Variants in CAMK2D observed in about 807,000 individuals in gnomAD.
CAMK2D encodes calcium/calmodulin-dependent protein kinase type II subunit delta.
Under a neutral mutation model 84.0 loss-of-function variants are expected in CAMK2D, and 37 were observed. The ratio of observed to expected loss-of-function variants is 0.44; its 90% CI spans 0.34 to 0.58. The LOEUF (loss-of-function observed/expected upper bound fraction) is 0.58, where lower values mean the gene tolerates loss of function less well. CAMK2D is among the 20% of genes least tolerant of loss of function. CAMK2D has a pLI of 0.02. For missense variants in CAMK2D, 448 were observed against 652.5 expected (o/e 0.69, Z 3.41); for synonymous variants, 202 against 212.5 (o/e 0.95, Z 0.43).
chr4:113,555,553 C>T (rs1009433822), intron 4 of CAMK2D, among the ~76,000 whole-genome samples: 5 of 152,106 alleles, frequency 3.3e-5, no homozygotes, highest in African/African-American at 7.2e-5. Context: ...CGAAGAATCA[C>T]CACAATCAGA....
At chr4:113,605,009 GAGCTAA>G (rs747307107) in intron 4 of CAMK2D, among the ~76,000 whole-genome samples, 4 of 152,182 alleles carry the variant, frequency 2.6e-5, no homozygotes, top group Non-Finnish European at 5.9e-5. Flanking sequence ...GGATTATTTT[GAGCTAA>G]AGCTAAGTGA....
intron 3 of CAMK2D, among the ~76,000 whole-genome samples, chr4:113,624,244 TA>T (rs2099058543): frequency 6.6e-6 from 1 of 152,032 alleles, no homozygotes; most frequent in Non-Finnish European, 1.5e-5. Context: ...GTAAAGAAAA[TA>T]AAAAGTATGT....
rs112894183 is a variant in CAMK2D at position 113,639,102 on chromosome 4, C to T, written c.220+22611G>A. 6.5e-3 allele frequency among the ~76,000 whole-genome samples: 980 copies of T among 149,772 alleles called. 15 individuals carry two copies. The highest frequency in any genetic ancestry group is 0.022 in the African/African-American group (895 of 40,162). On this transcript the variant is annotated intron_variant, in intron 3 of 20. Coordinates refer to ENST00000511664, the MANE Select transcript of CAMK2D (RefSeq NM_001321571.2). Reference sequence around the variant, plus strand: ...TACCAAAAAAAAAAAAAAAATAGCCCGGTGTGGTGGTGTGCACCTGTAGCC... The same window carrying T: ...TACCAAAAAAAAAAAAAAAATAGCCTGGTGTGGTGGTGTGCACCTGTAGCC...
At chr4:113,732,113 A>G (rs1359647755) in intron 2 of CAMK2D, among the ~76,000 whole-genome samples, 2 of 149,828 alleles carry the variant, frequency 1.3e-5, no homozygotes, top group Non-Finnish European at 3.0e-5. Context: ...TTGGGACATC[A>G]GCACTCCTTC....
At chr4:113,493,971 T>G (rs2097886461) in intron 16 of CAMK2D, among the ~76,000 whole-genome samples, 1 of 152,216 alleles carries the variant, frequency 6.6e-6, no homozygotes, top group African/African-American at 2.4e-5. Context: ...ACGTAGTTCT[T>G]GAGCCTTGGT....
At chr4:113,480,741 T>C (rs1207688181) in intron 16 of CAMK2D, among the ~76,000 whole-genome samples, 1 of 152,162 alleles carries the variant, frequency 6.6e-6, no homozygotes, top group Non-Finnish European at 1.5e-5. Context: ...CTCGGGAGTC[T>C]GAGGCAGGAT....
intron 6 of CAMK2D, among the ~76,000 whole-genome samples, chr4:113,543,768 GTTTATTTA>G (rs79922057): frequency 0.094 from 13,750 of 146,642 alleles, 1,822 homozygotes; most frequent in African/African-American, 0.29. Flanking sequence ...TATCTATCAA[GTTTATTTA>G]TTTATTTATT....
Position 113,635,127 on chromosome 4 carries a change from C to T in CAMK2D, c.221-25921G>A, listed in dbSNP as rs539939007. Among the ~76,000 whole-genome samples the T allele has an allele frequency of 3.9e-5, 6 of 152,212 alleles. No individual in the cohort carries two copies. In the South Asian group the frequency reaches 1.2e-3, roughly 32 times the overall value. ...ATGCTGTATGCGAAAGCACTTTTTG[C>T]TGGGTTTTTACAATCTGACCTATGA... On this transcript the variant is annotated intron_variant, in intron 3 of 20. Transcript: ENST00000511664.
chr4:113,494,804 T>C (rs1303707168), intron 16 of CAMK2D, among the ~76,000 whole-genome samples: 1 of 152,202 alleles, frequency 6.6e-6, no homozygotes, highest in Non-Finnish European at 1.5e-5. Flanking sequence ...TCCGTGGGCG[T>C]AGGACCCTCC....
At chr4:113,536,744 G>A (rs542717076) in intron 7 of CAMK2D, among the ~76,000 whole-genome samples, 1 of 152,174 alleles carries the variant, frequency 6.6e-6, no homozygotes, top group South Asian at 2.1e-4. Context: ...TTTATTTAGA[G>A]TTAATTTCTT....
At chr4:113,685,680 A>G (rs1300215406) in intron 2 of CAMK2D, among the ~76,000 whole-genome samples, 2 of 152,234 alleles carry the variant, frequency 1.3e-5, no homozygotes, top group East Asian at 3.8e-4. Context: ...TTTTATGTCA[A>G]TGTAATTAAT....
chr4:113,761,651 G>C lies in CAMK2D; in HGVS notation c.-583C>G. ...CGAGGCCGGCTTCCCTCCGGCGGGCGGCAGCGGCTCCGGCGAAGCGAGGCA... is the reference window on the plus strand; with the variant it reads ...CGAGGCCGGCTTCCCTCCGGCGGGCCGCAGCGGCTCCGGCGAAGCGAGGCA... On this transcript the variant is annotated 5_prime_UTR_variant, in exon 1 of 21. Transcript: ENST00000511664. 1 of 985,070 alleles carries C rather than the reference G, an allele frequency of 1.0e-6. No individual in the cohort carries two copies. 61.0% of individuals were successfully genotyped at this position (985,070 alleles called of 1,614,324 possible). A position where few individuals can be genotyped will look rare whatever the true frequency, so the allele number is the denominator to read the frequency against.
chr4:113,532,762 C>G (rs564282925), intron 7 of CAMK2D, among the ~76,000 whole-genome samples: 1 of 152,166 alleles, frequency 6.6e-6, no homozygotes, highest in Non-Finnish European at 1.5e-5. Flanking sequence ...ATTTCATTCT[C>G]CTTCTGAGCC....
chr4:113,692,756 A>ACATATATT (rs1310868428), intron 2 of CAMK2D, among the ~76,000 whole-genome samples: 3 of 152,032 alleles, frequency 2.0e-5, no homozygotes, highest in Non-Finnish European at 4.4e-5. Context: ...ATATATACAT[A>ACATATATT]CATACATATT....
chr4:113,651,320 A>T (rs1301786519), intron 3 of CAMK2D, among the ~76,000 whole-genome samples: 2 of 152,214 alleles, frequency 1.3e-5, no homozygotes, highest in African/African-American at 2.4e-5. Flanking sequence ...CTATAAATCA[A>T]ATTCAGAGAG....
At chr4:113,744,988 C>T (rs1196167037) in intron 2 of CAMK2D, among the ~76,000 whole-genome samples, 1 of 152,146 alleles carries the variant, frequency 6.6e-6, no homozygotes, top group Non-Finnish European at 1.5e-5. Context: ...AAAACTAATT[C>T]TCCCCATGAC....
rs140504398 is a variant in CAMK2D, at chr4:113,612,240, T to C, written c.221-3034A>G. On this transcript the variant is annotated intron_variant, in intron 3 of 20. Coordinates refer to ENST00000511664, the MANE Select transcript of CAMK2D (RefSeq NM_001321571.2). ...TATGTCTAAACGGTCTGGAAGATAG[T>C]GTTTTAGTTGTAGACATCATCTATT... Among the ~76,000 whole-genome samples the C allele has an allele frequency of 4.7e-3, 719 of 152,342 alleles. 6 individuals are homozygous for C. Among genetic ancestry groups the C allele is most frequent in the African/African-American group, 0.015 (642 of 41,584 alleles).
At chr4:113,454,567 T>A (rs376962680) in intron 20 of CAMK2D, 52 bp from the exon 21 acceptor site, 2 of 774,412 alleles carry the variant, frequency 2.6e-6, no homozygotes. Flanking sequence ...TTACAAAATA[T>A]CATCAAATTG....
intron 13 of CAMK2D, among the ~76,000 whole-genome samples, chr4:113,505,493 C>T (rs1417877330): frequency 6.6e-6 from 1 of 152,166 alleles, no homozygotes; most frequent in African/African-American, 2.4e-5. Context: ...CATTACTTTG[C>T]TTAGGAGCAA....
Sources: gnomAD v4.1 joint callset for allele counts (sites outside exome capture counted in the v4.1 genomes callset) on GRCh38, gnomAD v4.1.1 for gene constraint, MANE v1.5 for transcripts, NCBI Gene and HGNC (gene_info 2026-07-23, HGNC 2026-07-21) for gene names.